Variants in SCLT1 observed in about 807,000 individuals in gnomAD.
SCLT1 encodes sodium channel and clathrin linker 1.
In SCLT1, 78 loss-of-function variants were observed where a neutral mutation model predicts 112.8. The observed-to-expected ratio is 0.69, with a 90% CI of 0.58 to 0.83. The LOEUF is 0.83. SCLT1 is among the 40% of genes least tolerant of loss of function. SCLT1 has a pLI of 0.00. For missense variants in SCLT1, 747 were observed against 770.4 expected (o/e 0.97, Z 0.36); for synonymous variants, 257 against 254.7 (o/e 1.01, Z -0.09).
rs74984795 is a variant in SCLT1 at position 128,999,297 on chromosome 4, C to T, written c.549+375G>A. ...ACATAGTGTTTCCACTGTATTTGAG[C>T]AGGTTTCTTCACTGGCCATAAACTA... On this transcript the variant is annotated intron_variant, in intron 7 of 20. Transcript: ENST00000281142. 6.6e-5 allele frequency among the ~76,000 whole-genome samples: 10 copies of T among 152,044 alleles called. No individual in the cohort carries two copies. The East Asian group carries it at 1.9e-3, about 29-fold the overall frequency.
intron 18 of SCLT1, among the ~76,000 whole-genome samples, chr4:128,923,430 G>T (rs1265211703): frequency 8.1e-6 from 1 of 124,220 alleles, no homozygotes; most frequent in East Asian, 2.6e-4. Context: ...GGGTGACAGA[G>T]TGAGACTCCA....
rs528905688 is a variant in SCLT1 at position 129,053,557 on chromosome 4, A to ATTTTTTTTTTTTTTTTTT, written c.103-9524_103-9507dup. Among the ~76,000 whole-genome samples, 198 of 45,238 alleles carry ATTTTTTTTTTTTTTTTTT rather than the reference A, an allele frequency of 4.4e-3. 39 individuals are homozygous for ATTTTTTTTTTTTTTTTTT. Among genetic ancestry groups the ATTTTTTTTTTTTTTTTTT allele is most frequent in the Middle Eastern group, 0.021 (1 of 48 alleles). The allele number at this position is 45,238 out of a possible 152,430, so 29.7% of individuals were successfully genotyped here. A position where few individuals can be genotyped will look rare whatever the true frequency, so the allele number is the denominator to read the frequency against. ...TTAGAGACTAGGATTGCAATCCCTG[A>ATTTTTTTTTTTTTTTTTT]TTTTTTTTTTTTTTTTTTTTTTTTT... is the stretch of plus-strand genomic sequence containing the variant. On this transcript the variant is annotated intron_variant, in intron 2 of 20. Transcript: ENST00000281142.
At chr4:129,027,752 T>C (rs375462154) in intron 5 of SCLT1, among the ~76,000 whole-genome samples, 13 of 152,170 alleles carry the variant, frequency 8.5e-5, no homozygotes, top group Non-Finnish European at 1.2e-4. Flanking sequence ...TGTTTGCAGA[T>C]GACATGATTG....
At chr4:129,071,924 C>T (rs1170169697) in intron 2 of SCLT1, among the ~76,000 whole-genome samples, 1 of 152,038 alleles carries the variant, frequency 6.6e-6, no homozygotes, top group Non-Finnish European at 1.5e-5. Flanking sequence ...GTGATTTATG[C>T]TTTAAAGAGG....
chr4:129,025,584 A>G (rs926726454), intron 5 of SCLT1, among the ~76,000 whole-genome samples: 8 of 152,318 alleles, frequency 5.3e-5, no homozygotes, highest in Middle Eastern at 3.4e-3. Flanking sequence ...GGTACCAGCC[A>G]CTGCAAAATC....
At chr4:128,956,615 G>A (rs1739234877) in intron 13 of SCLT1, among the ~76,000 whole-genome samples, 1 of 151,964 alleles carries the variant, frequency 6.6e-6, no homozygotes, top group South Asian at 2.1e-4. Context: ...GTGGCTTTAT[G>A]GAAATAAAAA....
intron 18 of SCLT1, among the ~76,000 whole-genome samples, chr4:128,930,429 C>G (rs566549660): frequency 6.6e-6 from 1 of 152,174 alleles, no homozygotes; most frequent in South Asian, 2.1e-4. Flanking sequence ...TAAGCCACTT[C>G]CAATTATTTC....
chr4:128,897,247 G>GA (rs1330948812), intron 18 of SCLT1, among the ~76,000 whole-genome samples: 1 of 152,000 alleles, frequency 6.6e-6, no homozygotes, highest in Admixed American at 6.6e-5. Flanking sequence ...TGAAATGAAG[G>GA]AAAAAATGTT....
chr4:129,056,637 GTTTAT>G (rs1749421743), intron 2 of SCLT1, among the ~76,000 whole-genome samples: 1 of 152,022 alleles, frequency 6.6e-6, no homozygotes, highest in Non-Finnish European at 1.5e-5. Context: ...TCTCCCACTA[GTTTAT>G]TTTAGTGTAT....
At chr4:129,073,409 T>C (rs1054445391) in intron 2 of SCLT1, among the ~76,000 whole-genome samples, 7 of 152,282 alleles carry the variant, frequency 4.6e-5, no homozygotes, top group Non-Finnish European at 8.8e-5. Context: ...AAATATTACT[T>C]CTCAAGTTTC....
At chr4:128,931,147 C>A (rs776001321) in intron 18 of SCLT1, among the ~76,000 whole-genome samples, 21 of 150,302 alleles carry the variant, frequency 1.4e-4, no homozygotes, top group Non-Finnish European at 2.7e-4. Context: ...GAAATAGAAA[C>A]TAGGCAGAAG....
intron 1 of SCLT1, among the ~76,000 whole-genome samples, chr4:129,090,857 G>A (rs988680922): frequency 6.6e-6 from 1 of 152,170 alleles, no homozygotes; most frequent in Admixed American, 6.5e-5. Flanking sequence ...TGAGTGTGGA[G>A]CTGCCTGTCG....
chr4:129,051,309 C>T (rs1336131167), intron 2 of SCLT1, among the ~76,000 whole-genome samples: 1 of 152,100 alleles, frequency 6.6e-6, no homozygotes, highest in African/African-American at 2.4e-5. Context: ...CTATAAATTA[C>T]TTTGCACAGC....
At chr4:128,879,180 T>C (rs1732588398), downstream of SCLT1, among the ~76,000 whole-genome samples, 2 of 150,900 alleles carry the variant, frequency 1.3e-5, no homozygotes, top group South Asian at 4.2e-4. Flanking sequence ...AATGAAAAAG[T>C]GGAAGTAGAA....
intron 14 of SCLT1, among the ~76,000 whole-genome samples, chr4:128,950,698 A>G (rs1738651048): frequency 6.6e-6 from 1 of 152,154 alleles, no homozygotes; most frequent in African/African-American, 2.4e-5. Flanking sequence ...ACAATAAAAG[A>G]CAGTGTAAAT....
At chr4:129,025,912 A>G (rs1404618923) in intron 5 of SCLT1, among the ~76,000 whole-genome samples, 2 of 152,134 alleles carry the variant, frequency 1.3e-5, no homozygotes, top group East Asian at 1.9e-4. Context: ...AGTCTCTGAT[A>G]AAACAGACTT....
At chr4:128,988,770 A>C (rs1301740247) in intron 9 of SCLT1, among the ~76,000 whole-genome samples, 1 of 151,996 alleles carries the variant, frequency 6.6e-6, no homozygotes, top group African/African-American at 2.4e-5. Context: ...AAGACTGAAA[A>C]TACAGGAATG....
intron 11 of SCLT1, among the ~76,000 whole-genome samples, chr4:128,961,594 C>T (rs1449061555): frequency 6.6e-6 from 1 of 152,122 alleles, no homozygotes; most frequent in Non-Finnish European, 1.5e-5. Flanking sequence ...CATCAAAACC[C>T]TCTTCCTGTC....
intron 6 of SCLT1, among the ~76,000 whole-genome samples, chr4:129,001,342 G>T (rs914888955): frequency 6.6e-6 from 1 of 151,634 alleles, no homozygotes; most frequent in Non-Finnish European, 1.5e-5. Flanking sequence ...GTGGTGGGGG[G>T]GTGGGGAGGC....
Sources: gnomAD v4.1 joint callset for allele counts (sites outside exome capture counted in the v4.1 genomes callset) on GRCh38, gnomAD v4.1.1 for gene constraint, MANE v1.5 for transcripts, NCBI Gene and HGNC (gene_info 2026-07-23, HGNC 2026-07-21) for gene names.